ROBO1: variants seen among roughly 807,000 people sequenced by gnomAD.
ROBO1 encodes the protein roundabout guidance receptor 1.
A neutral mutation model predicts 195.9 loss-of-function variants in ROBO1; 149 were observed. The observed-to-expected ratio is 0.76, with a 90% confidence interval of 0.67 to 0.87. ROBO1 has a LOEUF of 0.87. Ranked by LOEUF, ROBO1 falls within the 40% of genes least tolerant of loss-of-function variation. The probability of loss-of-function intolerance (pLI) is 0.00; values close to 1 mark genes in which losing one functional copy is unlikely to be tolerated. For missense variants in ROBO1, 1,933 were observed against 2,068.3 expected (o/e 0.93, Z 1.27); for synonymous variants, 816 against 733.2 (o/e 1.11, Z -1.82).
chr3:79,174,111 C>T (rs1559712698), intron 2 of ROBO1, among the ~76,000 whole-genome samples: 1 of 152,116 alleles, frequency 6.6e-6, no homozygotes, highest in Non-Finnish European at 1.5e-5. Flanking sequence ...CCTGAGCCAG[C>T]AGTGGCAACC....
chr3:79,477,239 A>T (rs1938589954), intron 2 of ROBO1, among the ~76,000 whole-genome samples: 1 of 152,178 alleles, frequency 6.6e-6, no homozygotes, highest in South Asian at 2.1e-4. Context: ...CAAGTACTCA[A>T]ATTCACTGCA....
intron 4 of ROBO1, among the ~76,000 whole-genome samples, chr3:78,877,803 T>C (rs2035942694): frequency 6.6e-6 from 1 of 152,180 alleles, no homozygotes; most frequent in African/African-American, 2.4e-5. Flanking sequence ...CTCCAATATG[T>C]GCTATTGGAG....
chr3:79,211,575 T>C (rs1471384259), intron 2 of ROBO1, among the ~76,000 whole-genome samples: 1 of 152,088 alleles, frequency 6.6e-6, no homozygotes, highest in Non-Finnish European at 1.5e-5. Flanking sequence ...AGGGAAAACA[T>C]TATTGTCTTC....
At chr3:79,391,278 C>T (rs1169343193) in intron 2 of ROBO1, among the ~76,000 whole-genome samples, 3 of 152,024 alleles carry the variant, frequency 2.0e-5, no homozygotes, top group Non-Finnish European at 4.4e-5. Flanking sequence ...GGGCAACAGA[C>T]TGAGACTCCA....
At chr3:78,601,232 A>G (rs1703150967) in intron 29 of ROBO1, among the ~76,000 whole-genome samples, 1 of 152,144 alleles carries the variant, frequency 6.6e-6, no homozygotes, top group South Asian at 2.1e-4. Context: ...GTTCCCGCTG[A>G]CGTTCTCTGT....
chr3:78,696,312 C>T (rs1295009678), intron 8 of ROBO1, among the ~76,000 whole-genome samples: 2 of 152,044 alleles, frequency 1.3e-5, no homozygotes, highest in Non-Finnish European at 2.9e-5. Context: ...AGGGGAAAAG[C>T]CTGTTTGTTT....
At chr3:79,000,961 G>A (rs1258330928) in intron 3 of ROBO1, among the ~76,000 whole-genome samples, 2 of 152,126 alleles carry the variant, frequency 1.3e-5, no homozygotes, top group African/African-American at 2.4e-5. Context: ...ACAAGTACAT[G>A]TCCTTTGCAG....
chr3:79,424,629 T>C (rs935268715), intron 2 of ROBO1, among the ~76,000 whole-genome samples: 1 of 152,070 alleles, frequency 6.6e-6, no homozygotes, highest in African/African-American at 2.4e-5. Context: ...CTTCTCTTAC[T>C]TTTTCATGAA....
intron 2 of ROBO1, among the ~76,000 whole-genome samples, chr3:79,351,737 GCTGA>G: frequency 6.6e-6 from 1 of 151,950 alleles, no homozygotes; most frequent in Non-Finnish European, 1.5e-5. Context: ...CAAAATAGAA[GCTGA>G]CTATCCAGTG....
rs1221245930 is a variant in ROBO1, at chr3:78,673,479, TATATA to T, written c.1343-3183_1343-3179del. On this transcript the variant is annotated intron_variant, in intron 10 of 30. Coordinates refer to ENST00000464233, the MANE Select transcript of ROBO1 (RefSeq NM_002941.4). ...TTACACTACCTGTTATAAAAATATA[TATATA>T]ATATAAATATATAAAATATATAAAA... 4.9e-5 allele frequency among the ~76,000 whole-genome samples: 7 copies of T among 141,850 alleles called. No individual in the cohort carries two copies. The South Asian group carries it at 8.6e-4, about 17-fold the overall frequency. The allele number at this position is 141,850 out of a possible 152,430, so 93.1% of individuals were successfully genotyped here.
intron 2 of ROBO1, among the ~76,000 whole-genome samples, chr3:79,295,573 G>A (rs947013107): frequency 6.6e-6 from 1 of 151,992 alleles, no homozygotes; most frequent in Non-Finnish European, 1.5e-5. Flanking sequence ...TTCTGCACAC[G>A]TATCCCTGAA....
intron 21 of ROBO1, among the ~76,000 whole-genome samples, chr3:78,643,359 C>T (rs77856581): frequency 0.052 from 7,910 of 152,262 alleles, 275 homozygotes; most frequent in African/African-American, 0.087. Context: ...TGACCTCTGA[C>T]ATAAACAAAA....
intron 1 of ROBO1, among the ~76,000 whole-genome samples, chr3:79,607,422 G>C (rs1944523546): frequency 2.6e-5 from 4 of 151,552 alleles, no homozygotes; most frequent in Admixed American, 2.6e-4. Context: ...ATAAGCTTAA[G>C]TTTAAAAACT....
At chr3:78,877,691 A>T (rs1180610821) in intron 4 of ROBO1, among the ~76,000 whole-genome samples, 2 of 152,206 alleles carry the variant, frequency 1.3e-5, no homozygotes, top group South Asian at 4.1e-4. Context: ...CCCTGTAAAC[A>T]GAGTTAAAAA....
intron 2 of ROBO1, among the ~76,000 whole-genome samples, chr3:79,335,076 C>T (rs1036003477): frequency 1.3e-5 from 2 of 152,076 alleles, no homozygotes; most frequent in Admixed American, 1.3e-4. Flanking sequence ...AAGATCATGC[C>T]ACTGAACTCC....
At chr3:78,976,002 T>G (rs915975247) in intron 3 of ROBO1, among the ~76,000 whole-genome samples, 1 of 152,186 alleles carries the variant, frequency 6.6e-6, no homozygotes, top group Non-Finnish European at 1.5e-5. Context: ...TCAGCCTAAT[T>G]TTGTTCTTTT....
intron 2 of ROBO1, among the ~76,000 whole-genome samples, chr3:79,272,436 C>G (rs550127821): frequency 6.6e-6 from 1 of 152,192 alleles, no homozygotes; most frequent in African/African-American, 2.4e-5. Context: ...GAAAAAAACA[C>G]TTTCCTTAGA....
At chr3:78,675,505 A>C (rs1354929235) in intron 10 of ROBO1, among the ~76,000 whole-genome samples, 2 of 152,198 alleles carry the variant, frequency 1.3e-5, no homozygotes, top group East Asian at 3.9e-4. Context: ...ACGGCGCACC[A>C]GGAGATTATA....
At chr3:78,729,948 A>T (rs987266409) in intron 5 of ROBO1, among the ~76,000 whole-genome samples, 2 of 152,106 alleles carry the variant, frequency 1.3e-5, no homozygotes, top group African/African-American at 4.8e-5. Flanking sequence ...CTTATGGGCA[A>T]TTTTCACTTT....
Sources: allele counts gnomAD v4.1 joint callset (sites outside exome capture counted in the v4.1 genomes callset), GRCh38; gene constraint gnomAD v4.1.1; transcripts MANE v1.5; gene names NCBI Gene and HGNC (gene_info 2026-07-23, HGNC 2026-07-21).